The following ZNF536 variants were observed in gnomAD, a reference collection of about 807,000 sequenced individuals.
ZNF536 encodes zinc finger protein 536.
Under a neutral mutation model 84.5 loss-of-function variants are expected in ZNF536, and 13 were observed. That is an observed-to-expected ratio of 0.15 (90% CI 0.10 to 0.24). The LOEUF (loss-of-function observed/expected upper bound fraction) is 0.24, where lower values mean the gene tolerates loss of function less well. Among genes scored for constraint, ZNF536 ranks in the 10% least tolerant of loss-of-function variants. The probability of loss-of-function intolerance (pLI) is 1.00; values close to 1 mark genes in which losing one functional copy is unlikely to be tolerated. For synonymous variants in ZNF536, 811 were observed against 742.5 expected, an observed-to-expected ratio of 1.09 and a Z score of -1.50; for missense variants, 1,536 against 1,747.5, an observed-to-expected ratio of 0.88 and a Z score of 2.16.
intron 3 of ZNF536, among the ~76,000 whole-genome samples, chr19:30,352,999 A>G (rs8111792): frequency 0.041 from 6,197 of 152,304 alleles, 411 homozygotes; most frequent in African/African-American, 0.14. Flanking sequence ...ACCATGATTC[A>G]TTCTGATAGT....
intron 1 of ZNF536, among the ~76,000 whole-genome samples, chr19:30,390,198 G>C (rs1269777107): frequency 1.3e-5 from 2 of 152,112 alleles, no homozygotes; most frequent in East Asian, 1.9e-4. Context: ...AGAGAGAAGA[G>C]AAGAGAAGCC....
At chr19:30,311,983 A>C (rs1358382342) in intron 2 of ZNF536, among the ~76,000 whole-genome samples, 4 of 152,196 alleles carry the variant, frequency 2.6e-5, no homozygotes, top group African/African-American at 4.8e-5. Flanking sequence ...TGGAAGGATC[A>C]CTTGAGCCCG....
chr19:30,583,342 G>A (rs1403556006), intron 1 of ZNF536, among the ~76,000 whole-genome samples: 3 of 152,254 alleles, frequency 2.0e-5, no homozygotes, highest in Admixed American at 6.5e-5. Flanking sequence ...CTGGTGGGGA[G>A]ATGCCCCGGG....
chr19:30,312,490 T>A (rs548916612), intron 2 of ZNF536, among the ~76,000 whole-genome samples: 2 of 152,384 alleles, frequency 1.3e-5, no homozygotes, highest in Non-Finnish European at 2.9e-5. Flanking sequence ...TTCCTTGCGA[T>A]CTTTTTTCTA....
intron 2 of ZNF536, among the ~76,000 whole-genome samples, chr19:30,340,330 C>T: frequency 6.6e-6 from 1 of 152,140 alleles, no homozygotes. Flanking sequence ...CAGCAGGACC[C>T]TTAGGAAATG....
At chr19:30,539,574 A>G (rs1040827412) in intron 3 of ZNF536, among the ~76,000 whole-genome samples, 2 of 152,212 alleles carry the variant, frequency 1.3e-5, no homozygotes, top group African/African-American at 2.4e-5. Context: ...GTAACATGCA[A>G]TGGGGAGGGC....
intron 1 of ZNF536, among the ~76,000 whole-genome samples, chr19:30,584,850 C>T (rs2047042876): frequency 6.6e-6 from 1 of 152,148 alleles, no homozygotes. Flanking sequence ...AATCCCTGCA[C>T]TTTGGGAGGC....
chr19:30,449,881 C>T (rs985210862), intron 2 of ZNF536, among the ~76,000 whole-genome samples: 3 of 152,150 alleles, frequency 2.0e-5, no homozygotes, highest in Non-Finnish European at 4.4e-5. Flanking sequence ...GGGGCGCTTT[C>T]GCATTTACAT....
At chr19:30,299,039 A>G (rs183311910) in intron 2 of ZNF536, among the ~76,000 whole-genome samples, 37 of 152,346 alleles carry the variant, frequency 2.4e-4, no homozygotes, top group Non-Finnish European at 3.7e-4. Flanking sequence ...AGACTCTACA[A>G]TGTGAAAGTG....
At chr19:30,693,641 G>T (rs1568678115) in intron 1 of ZNF536, among the ~76,000 whole-genome samples, 1 of 151,654 alleles carries the variant, frequency 6.6e-6, no homozygotes, top group African/African-American at 2.4e-5. Flanking sequence ...ATTTATGTCT[G>T]CCACGTGACA....
chr19:30,555,379 GCATCAACCTTACCTC>G (rs1167812094), intron 4 of ZNF536: 2 of 152,166 alleles, frequency 1.3e-5, no homozygotes, highest in African/African-American at 4.8e-5. Context: ...AGCACGGCAG[GCATCAACCTTACCTC>G]CATCAGTGTT....
At chr19:30,273,823 C>T (rs1198282515) in intron 1 of ZNF536, among the ~76,000 whole-genome samples, 3 of 152,082 alleles carry the variant, frequency 2.0e-5, no homozygotes, top group Non-Finnish European at 4.4e-5. Flanking sequence ...AATTTGGAGT[C>T]AAAGATACAC....
At chr19:30,664,071 T>C (rs1172934945) in intron 1 of ZNF536, among the ~76,000 whole-genome samples, 2 of 152,230 alleles carry the variant, frequency 1.3e-5, no homozygotes, top group African/African-American at 2.4e-5. Context: ...GGAGATCATA[T>C]GATACATGTA....
chr19:30,485,349 T>C (rs2054263814), intron 2 of ZNF536, among the ~76,000 whole-genome samples: 1 of 152,184 alleles, frequency 6.6e-6, no homozygotes, highest in Non-Finnish European at 1.5e-5. Flanking sequence ...TAGAATTCAA[T>C]GGTTTTTAGT....
chr19:30,568,231 T>C (rs1336579038), intron 1 of ZNF536, among the ~76,000 whole-genome samples: 2 of 152,224 alleles, frequency 1.3e-5, no homozygotes, highest in African/African-American at 2.4e-5. Flanking sequence ...ATTTGGTTTT[T>C]AGACTTTTTA....
chr19:30,688,651 TA>T (rs1410908075), intron 1 of ZNF536, among the ~76,000 whole-genome samples: 1 of 152,256 alleles, frequency 6.6e-6, no homozygotes, highest in Non-Finnish European at 1.5e-5. Context: ...CCCACATGCA[TA>T]AAACACTCTC....
intron 1 of ZNF536, among the ~76,000 whole-genome samples, chr19:30,606,252 TAAATAAAATA>T (rs1335593815): frequency 1.2e-4 from 8 of 65,984 alleles, no homozygotes; most frequent in African/African-American, 4.9e-4. Flanking sequence ...TAAAATAAAA[TAAATAAAATA>T]AAATAAAATA....
rs2146217109 is a variant in ZNF536, at chr19:30,548,775, C to T, written c.3156C>T (p.Ala1052=). ...AAGCCCGGGAGGCGAGTAAGATGGC[C>T]CTGCTGCCCTCGTTACAATCAAACA... The part of the protein sequence containing the change: ...KDQAREASKM[A]LLPSLQSNKD... The change falls in exon 4 of 5, where the codon GCC becomes GCT. Residue 1052 remains alanine (A), a synonymous_variant. Transcript: ENST00000355537. 1 of 1,613,866 alleles carries T rather than the reference C, an allele frequency of 6.2e-7. No individual in the cohort carries two copies.
intron 1 of ZNF536, among the ~76,000 whole-genome samples, chr19:30,415,284 C>CCTCCTT (rs1555750650): frequency 1.1e-4 from 13 of 120,186 alleles, no homozygotes; most frequent in East Asian, 2.4e-4. Context: ...TCCTCCTCCT[C>CCTCCTT]CTTCTTCTTC....
Sources: allele counts gnomAD v4.1 joint callset (sites outside exome capture counted in the v4.1 genomes callset), GRCh38; gene constraint gnomAD v4.1.1; transcripts MANE v1.5; gene names NCBI Gene and HGNC (gene_info 2026-07-23, HGNC 2026-07-21).